Variants in LRRC56 observed in about 807,000 individuals in gnomAD.
The protein encoded by LRRC56 is leucine-rich repeat-containing protein 56.
In LRRC56, 41 loss-of-function variants were observed where a neutral mutation model predicts 47.8. The observed-to-expected ratio is 0.86, with a 90% CI of 0.67 to 1.11. The LOEUF (loss-of-function observed/expected upper bound fraction) is 1.11. LRRC56 is among the 50% of genes most tolerant of loss of function. The pLI is 0.00. For synonymous variants in LRRC56, 387 were observed against 311.2 expected (o/e 1.24, Z -2.56); for missense variants, 759 against 704.2 (o/e 1.08, Z -0.88).
the LRRC56 span, among the ~76,000 whole-genome samples, chr11:518,352 T>A: frequency 5.9e-5 from 9 of 152,128 alleles, no homozygotes; most frequent in Admixed American, 5.9e-4. Flanking sequence ...CAGCTAATTT[T>A]TTGTATTTCT....
the LRRC56 span, among the ~76,000 whole-genome samples, chr11:512,136 G>A: frequency 1.2e-4 from 19 of 152,254 alleles, no homozygotes; most frequent in Middle Eastern, 3.4e-3. Flanking sequence ...TAGAGACAGT[G>A]TTTCACCACG....
chr11:509,736 T>G, the LRRC56 span, among the ~76,000 whole-genome samples: 1 of 136,818 alleles, frequency 7.3e-6, no homozygotes, highest in Admixed American at 8.0e-5. Context: ...TTTTTTTTTT[T>G]GTAATTTTAA....
chr11:513,820 CAAA>C, the LRRC56 span, among the ~76,000 whole-genome samples: 3 of 96,196 alleles, frequency 3.1e-5, no homozygotes, highest in Admixed American at 2.3e-4. Flanking sequence ...AACTCCATCT[CAAA>C]AAAAAAAAAA....
At chr11:549,372 G>A (rs1169061791) in intron 6 of LRRC56, among the ~76,000 whole-genome samples, 2 of 152,112 alleles carry the variant, frequency 1.3e-5, no homozygotes, top group East Asian at 3.9e-4. Context: ...TGGGAACAGG[G>A]TGGGCCCGGC....
chr11:514,476 CAG>C, the LRRC56 span, among the ~76,000 whole-genome samples: 5 of 152,070 alleles, frequency 3.3e-5, no homozygotes, highest in Admixed American at 2.6e-4. Flanking sequence ...TTGGTAGAGA[CAG>C]GGTTTCACCA....
intron 6 of LRRC56, among the ~76,000 whole-genome samples, 170 bp downstream of exon 6, chr11:544,950 C>CCA: frequency 6.6e-6 from 1 of 151,778 alleles, no homozygotes; most frequent in South Asian, 2.1e-4. Flanking sequence ...CCACGTGACC[C>CCA]TGTGGAGGGT....
chr11:540,846 G>A lies in LRRC56; in HGVS notation c.162G>A (p.Leu54=), dbSNP rs1448486464. ...RLGEQLVEEY[L]SPARLQALAR... ...GAGAGCAGCTGGTGGAAGAGTACCT[G>A]TCCCCTGCCCGGCTGGTGAGTGTGG... Residue 54 remains leucine, a synonymous_variant, in exon 4 of 14, where the codon CTG becomes CTA. Transcript: ENST00000270115. 1.9e-6 allele frequency: 3 copies of A among 1,568,874 alleles called. No individual in the cohort carries two copies. Among genetic ancestry groups the A allele is most frequent in the East Asian group, 2.3e-5 (1 of 42,666 alleles).
At chr11:518,179 A>G in the LRRC56 span, among the ~76,000 whole-genome samples, 6 of 152,014 alleles carry the variant, frequency 3.9e-5, no homozygotes, top group African/African-American at 1.4e-4. Context: ...AAAAATAATA[A>G]TAATAAAATT....
chr11:520,798 G>A, the LRRC56 span, among the ~76,000 whole-genome samples: 66 of 152,144 alleles, frequency 4.3e-4, no homozygotes, highest in Admixed American at 2.4e-3. Flanking sequence ...CCCTGAGGCC[G>A]TGCTCACCCC....
At chr11:524,676 GAAA>G in the LRRC56 span, among the ~76,000 whole-genome samples, 2 of 151,874 alleles carry the variant, frequency 1.3e-5, no homozygotes, top group African/African-American at 4.8e-5. Flanking sequence ...AAAGAGAAAG[GAAA>G]ATCTTTTCAA....
the LRRC56 span, among the ~76,000 whole-genome samples, chr11:518,183 TA>T: frequency 2.6e-5 from 4 of 151,982 alleles, no homozygotes; most frequent in African/African-American, 9.6e-5. Flanking sequence ...ATAATAATAA[TA>T]AAATTTTTTT....
At position 554,643 on chromosome 11, in the gene LRRC56, C is replaced by A. The variant is rs1350479330; in HGVS notation, c.*367C>A. The A allele has an allele frequency of 2.5e-6, 1 of 402,706 alleles. No individual in the cohort carries two copies. The highest frequency in any genetic ancestry group is 4.4e-6 in the Non-Finnish European group (1 of 225,038). 24.9% of individuals were successfully genotyped at this position (402,706 alleles called of 1,614,324 possible). Reference sequence around the variant, plus strand: ...AGGGGCAGGGGCTGGAGCTGCGAGTCCACCACTCCCTTGCCGGCCCCAGGG... The same window carrying A: ...AGGGGCAGGGGCTGGAGCTGCGAGTACACCACTCCCTTGCCGGCCCCAGGG... On this transcript the variant is annotated 3_prime_UTR_variant, in exon 14 of 14. Transcript: ENST00000270115.
At position 552,429 on chromosome 11, in the gene LRRC56, G is replaced by A. The variant is rs184960838; in HGVS notation, c.1182-140G>A. ...CCCAAGGCTCGTGGACCATCCCTGTGTGTCCTGTCCCGTGGGGGGATCAGG... is the reference window on the plus strand; with the variant it reads ...CCCAAGGCTCGTGGACCATCCCTGTATGTCCTGTCCCGTGGGGGGATCAGG... On this transcript the variant is annotated intron_variant, in intron 12 of 13. Coordinates refer to ENST00000270115, the MANE Select transcript of LRRC56 (RefSeq NM_198075.4). 3.0e-3 allele frequency: 3,384 copies of A among 1,128,448 alleles called. 9 individuals are homozygous for A. The highest frequency in any genetic ancestry group is 6.9e-3 in the African/African-American group (439 of 63,828). The allele number at this position is 1,128,448 out of a possible 1,614,324, so 69.9% of individuals were successfully genotyped here.
At chr11:517,171 G>T in the LRRC56 span, among the ~76,000 whole-genome samples, 1 of 152,258 alleles carries the variant, frequency 6.6e-6, no homozygotes, top group Non-Finnish European at 1.5e-5. Flanking sequence ...CAAGGCTGGA[G>T]CGCAGTGGCG....
intron 6 of LRRC56, among the ~76,000 whole-genome samples, chr11:548,944 T>C (rs562467079): frequency 6.6e-6 from 1 of 152,184 alleles, no homozygotes; most frequent in African/African-American, 2.4e-5. Flanking sequence ...GGGTTTCCAT[T>C]AGCTGCTCTT....
At chr11:517,340 G>A in the LRRC56 span, among the ~76,000 whole-genome samples, 19 of 149,658 alleles carry the variant, frequency 1.3e-4, no homozygotes, top group South Asian at 2.1e-4. Context: ...GCCTCTGCCC[G>A]GCCGCCCGGT....
chr11:512,939 G>C, the LRRC56 span, among the ~76,000 whole-genome samples: 4 of 152,132 alleles, frequency 2.6e-5, no homozygotes, highest in South Asian at 8.3e-4. Flanking sequence ...CCCTTTCCAT[G>C]GCAATGACCC....
At position 544,779 on chromosome 11, in the gene LRRC56, A is replaced by T. The variant is rs749174582; in HGVS notation, c.325A>T (p.Arg109Trp). 8 of 1,577,074 alleles carry T rather than the reference A, an allele frequency of 5.1e-6. No individual in the cohort carries two copies. Among genetic ancestry groups the T allele is most frequent in the Non-Finnish European group, 6.9e-6 (8 of 1,165,214 alleles). Residue 109 changes from arginine to tryptophan, a missense_variant and splice_region_variant, in exon 6 of 14, where the codon AGG (arginine) becomes TGG (tryptophan). Arg to Trp is a moderately radical substitution (Grantham distance 101, BLOSUM62 -3). Coordinates refer to ENST00000270115, the MANE Select transcript of LRRC56 (RefSeq NM_198075.4). ...KLNGSHLGSL[R>W]DLGTSLGHLQ... ...GAACGGCAGCCACCTGGGCTCCCTG[A>T]GGTGAGCGCCTGAGGGGGGTGGGCT...
the LRRC56 span, among the ~76,000 whole-genome samples, chr11:513,356 T>G: frequency 1.3e-5 from 2 of 152,100 alleles, no homozygotes; most frequent in Non-Finnish European, 2.9e-5. Context: ...TTCACCATGT[T>G]GGCGAGGCTG....
Sources: gnomAD v4.1 joint callset for allele counts (sites outside exome capture counted in the v4.1 genomes callset) on GRCh38, gnomAD v4.1.1 for gene constraint, MANE v1.5 for transcripts, NCBI Gene and HGNC (gene_info 2026-07-23, HGNC 2026-07-21) for gene names.